KIAA1671: variants seen among roughly 807,000 people sequenced by gnomAD.
The protein encoded by KIAA1671 is uncharacterized protein KIAA1671.
A neutral mutation model predicts 131.2 loss-of-function variants in KIAA1671; 52 were observed. The observed-to-expected ratio is 0.40, with a 90% CI of 0.32 to 0.50. The LOEUF is 0.50. Among genes scored for constraint, KIAA1671 ranks in the 20% least tolerant of loss-of-function variants. The pLI is 0.73. For synonymous variants in KIAA1671, 1,003 were observed against 961.6 expected (o/e 1.04, Z -0.80); for missense variants, 2,360 against 2,364.2 (o/e 1.00, Z 0.04).
intron 1 of KIAA1671, among the ~76,000 whole-genome samples, chr22:24,959,199 T>C (rs1602026427): frequency 6.6e-6 from 1 of 150,916 alleles, no homozygotes; most frequent in Non-Finnish European, 1.5e-5. Context: ...ATTTAAAAAA[T>C]TAAAATTAAA....
chr22:25,066,694 G>A (rs980877504), intron 6 of KIAA1671, among the ~76,000 whole-genome samples: 1 of 152,188 alleles, frequency 6.6e-6, no homozygotes, highest in Non-Finnish European at 1.5e-5. Context: ...GCAGGTTCTA[G>A]GTGGACATAT....
At position 25,039,789 on chromosome 22, in the gene KIAA1671, C is replaced by T. The variant is rs1926811956; in HGVS notation, c.2659C>T (p.Leu887Phe). 1 of 1,509,004 alleles carries T rather than the reference C, an allele frequency of 6.6e-7. No individual in the cohort carries two copies. Among genetic ancestry groups the T allele is most frequent in the African/African-American group, 1.4e-5 (1 of 71,940 alleles). 93.5% of individuals were successfully genotyped at this position (1,509,004 alleles called of 1,614,324 possible). ...GPPQGCPLDPLSRATNGPSDS... is the reference protein window; with the variant it reads ...GPPQGCPLDPFSRATNGPSDS... ...ACCCCAGGGATGCCCCCTCGATCCT[C>T]TTTCCAGGGCTACGAATGGGCCTTC... The change falls in exon 5 of 13, where the codon CTT becomes TTT. Residue 887 changes from leucine to phenylalanine, a missense_variant. Transcript: ENST00000358431.
intron 4 of KIAA1671, among the ~76,000 whole-genome samples, chr22:25,035,768 A>G (rs906427996): frequency 1.3e-5 from 2 of 152,142 alleles, no homozygotes; most frequent in Non-Finnish European, 2.9e-5. Context: ...CAAGTTCATT[A>G]TTTTCTCTGT....
Position 25,174,265 on chromosome 22 carries a change from A to C in KIAA1671, c.4675A>C (p.Ser1559Arg). The C allele has an allele frequency of 6.4e-7, 1 of 1,551,674 alleles. No homozygotes were observed. Among genetic ancestry groups the C allele is most frequent in the Non-Finnish European group, 8.7e-7 (1 of 1,146,994 alleles). Residue 1559 changes from serine to arginine, a missense_variant, in exon 8 of 13, where the codon AGT (serine) becomes CGT (arginine). By Grantham distance (110) the Ser-to-Arg change is moderately radical. Coordinates refer to ENST00000358431, the MANE Select transcript of KIAA1671 (RefSeq NM_001145206.2). Reference sequence around the variant, plus strand: ...CTTGGCCACTGAGTCCCCAGATAGCAGTGCCACATCGACAAGGAAACAGCC... The same window carrying C: ...CTTGGCCACTGAGTCCCCAGATAGCCGTGCCACATCGACAAGGAAACAGCC... ...ESLATESPDS[S>R]ATSTRKQPPS...
chr22:25,092,025 G>C (rs1407599827), intron 6 of KIAA1671, among the ~76,000 whole-genome samples: 2 of 152,042 alleles, frequency 1.3e-5, no homozygotes, highest in African/African-American at 4.8e-5. Context: ...CAACAAATAC[G>C]TATTGAGTCT....
intron 6 of KIAA1671, among the ~76,000 whole-genome samples, chr22:25,088,571 A>C (rs1009530079): frequency 1.3e-5 from 2 of 152,260 alleles, no homozygotes; most frequent in Non-Finnish European, 2.9e-5. Context: ...CTGTCTTCAC[A>C]CACTGGAGGG....
intron 6 of KIAA1671, among the ~76,000 whole-genome samples, chr22:25,100,681 C>T (rs535936791): frequency 5.9e-5 from 9 of 152,276 alleles, no homozygotes; most frequent in East Asian, 1.9e-4. Flanking sequence ...GGCAGTAGGG[C>T]GCACAGTAGG....
intron 1 of KIAA1671, among the ~76,000 whole-genome samples, chr22:25,015,227 T>TAAA (rs3063199): frequency 1.7e-5 from 2 of 115,836 alleles, no homozygotes; most frequent in African/African-American, 3.4e-5. Flanking sequence ...CCTTGTCCCT[T>TAAA]AAAAAAAAAA....
At chr22:25,111,754 GC>G (rs1931362709) in intron 6 of KIAA1671, 2 of 80,718 alleles carry the variant, frequency 2.5e-5, no homozygotes, top group African/African-American at 7.8e-5. Context: ...CCCAAAGGCC[GC>G]CCCCTCCACC....
intron 6 of KIAA1671, among the ~76,000 whole-genome samples, chr22:25,087,465 C>G (rs1455388454): frequency 6.6e-6 from 1 of 152,104 alleles, no homozygotes; most frequent in Non-Finnish European, 1.5e-5. Context: ...GCGCCTATAA[C>G]CCAGCTACTC....
intron 4 of KIAA1671, among the ~76,000 whole-genome samples, chr22:25,037,358 A>ATATATGTGTATATATGTATATATGTG (rs1926664603): frequency 6.6e-6 from 1 of 151,458 alleles, no homozygotes; most frequent in Non-Finnish European, 1.5e-5. Context: ...GCAAAAAAAT[A>ATATATGTGTATATATGTATATATGTG]TATATGTGTA....
intron 6 of KIAA1671, among the ~76,000 whole-genome samples, chr22:25,120,176 A>C (rs773951339): frequency 1.3e-5 from 2 of 152,100 alleles, no homozygotes; most frequent in East Asian, 1.9e-4. Flanking sequence ...CCAACTGCCA[A>C]CTGCCACCTG....
At chr22:25,097,064 G>C (rs989259679) in intron 6 of KIAA1671, among the ~76,000 whole-genome samples, 1 of 152,200 alleles carries the variant, frequency 6.6e-6, no homozygotes, top group African/African-American at 2.4e-5. Flanking sequence ...TATGAATGAA[G>C]CTGCTATGAA....
At chr22:25,187,318 C>T (rs1934508626) in intron 11 of KIAA1671, among the ~76,000 whole-genome samples, 1 of 152,182 alleles carries the variant, frequency 6.6e-6, no homozygotes, top group South Asian at 2.1e-4. Flanking sequence ...TCCTACTGTG[C>T]AAAGACCATG....
intron 6 of KIAA1671, among the ~76,000 whole-genome samples, chr22:25,142,377 C>T (rs981611033): frequency 6.6e-6 from 1 of 152,202 alleles, no homozygotes; most frequent in Non-Finnish European, 1.5e-5. Context: ...TCCTCTCAGC[C>T]ATAAATAAGA....
At chr22:25,086,249 G>A (rs1219318173) in intron 6 of KIAA1671, among the ~76,000 whole-genome samples, 1 of 152,214 alleles carries the variant, frequency 6.6e-6, no homozygotes, top group African/African-American at 2.4e-5. Context: ...CCACTTCCTA[G>A]CTTAAGGTCT....
chr22:25,093,788 C>CTG (rs1568951291), intron 6 of KIAA1671, among the ~76,000 whole-genome samples: 29 of 94,646 alleles, frequency 3.1e-4, no homozygotes, highest in Non-Finnish European at 4.2e-4. Context: ...CTCTCTCTCT[C>CTG]TCTCTCTCTC....
intron 6 of KIAA1671, among the ~76,000 whole-genome samples, chr22:25,088,278 T>C (rs1280551062): frequency 6.6e-6 from 1 of 152,118 alleles, no homozygotes; most frequent in African/African-American, 2.4e-5. Flanking sequence ...CAGCTAATTT[T>C]TGTATTCTTA....
At chr22:24,956,024 C>CA (rs1167493018) in intron 1 of KIAA1671, among the ~76,000 whole-genome samples, 2,711 of 50,884 alleles carry the variant, frequency 0.053, 44 homozygotes, top group African/African-American at 0.078. Context: ...GACTCCGTCT[C>CA]AAAAAAAAAA....
Sources: gnomAD v4.1 joint callset for allele counts (sites outside exome capture counted in the v4.1 genomes callset) on GRCh38, gnomAD v4.1.1 for gene constraint, MANE v1.5 for transcripts, NCBI Gene and HGNC (gene_info 2026-07-23, HGNC 2026-07-21) for gene names.